Variants in SIPA1L1 observed in about 807,000 individuals in gnomAD.
The protein encoded by SIPA1L1 is signal-induced proliferation-associated 1-like protein 1.
Under a neutral mutation model 162.7 loss-of-function variants are expected in SIPA1L1, and 26 were observed. The observed-to-expected ratio is 0.16, with a 90% CI of 0.12 to 0.22. The LOEUF (loss-of-function observed/expected upper bound fraction) is 0.22. SIPA1L1 is among the 10% of genes least tolerant of loss of function. The pLI, the probability that SIPA1L1 is intolerant of heterozygous loss-of-function variation, is 1.00. For missense variants in SIPA1L1, 1,874 were observed against 2,241.0 expected (o/e 0.84, Z 3.31); for synonymous variants, 829 against 837.4 (o/e 0.99, Z 0.17).
chr14:71,506,529 C>T (rs2050683017), intron 2 of SIPA1L1, among the ~76,000 whole-genome samples: 2 of 152,012 alleles, frequency 1.3e-5, no homozygotes, highest in African/African-American at 4.8e-5. Flanking sequence ...TTAGTAGAGA[C>T]GGGGTTTTAC....
At chr14:71,382,799 T>C (rs2040012021) in intron 2 of SIPA1L1, among the ~76,000 whole-genome samples, 1 of 152,216 alleles carries the variant, frequency 6.6e-6, no homozygotes, top group Non-Finnish European at 1.5e-5. Context: ...ATCAGTTCTC[T>C]GGGGAAGACC....
intron 2 of SIPA1L1, among the ~76,000 whole-genome samples, chr14:71,322,978 G>A (rs1056044211): frequency 2.0e-5 from 3 of 152,206 alleles, no homozygotes; most frequent in Non-Finnish European, 4.4e-5. Context: ...CTATGGCAAG[G>A]TTGACTTCAA....
Position 71,681,371 on chromosome 14 carries a change from A to G in SIPA1L1, c.3105-3991A>G, listed in dbSNP as rs2045792530. ...ACTAAATTGTGATGTTCTGGATGGTATTGCATAGAGTGGTCAACCCTTTAT... is the reference window on the plus strand; with the variant it reads ...ACTAAATTGTGATGTTCTGGATGGTGTTGCATAGAGTGGTCAACCCTTTAT... On this transcript the variant is annotated intron_variant, in intron 12 of 23. Coordinates refer to ENST00000381232, the MANE Select transcript of SIPA1L1 (RefSeq NM_001386936.1). 2.0e-5 allele frequency among the ~76,000 whole-genome samples: 3 copies of G among 152,342 alleles called. 1 individual carries two copies. Among genetic ancestry groups the G allele is most frequent in the Admixed American group, 2.0e-4 (3 of 15,306 alleles).
chr14:71,572,719 A>C (rs2147048406), intron 4 of SIPA1L1, among the ~76,000 whole-genome samples: 1 of 152,360 alleles, frequency 6.6e-6, no homozygotes, highest in South Asian at 2.1e-4. Flanking sequence ...AAAGAATAAC[A>C]AGATTTTTTT....
In SIPA1L1 at chr14:71,587,719, A is replaced by G; in HGVS notation, c.-154A>G. 1 of 731,072 alleles carries G rather than the reference A, an allele frequency of 1.4e-6. No individual in the cohort carries two copies. The highest frequency in any genetic ancestry group is 2.2e-6 in the Non-Finnish European group (1 of 449,640). The allele number at this position is 731,072 out of a possible 1,614,324, so 45.3% of individuals were successfully genotyped here. A position where few individuals can be genotyped will look rare whatever the true frequency, so the allele number is the denominator to read the frequency against. The stretch of plus-strand genomic sequence containing the variant: ...GTTCCAATTTTTCAGTGCTTTACAA[A>G]TAAAGCATCATTTAACCTTTTAAAT... On this transcript the variant is annotated 5_prime_UTR_variant, in exon 5 of 24. Coordinates refer to ENST00000381232, the MANE Select transcript of SIPA1L1 (RefSeq NM_001386936.1).
chr14:71,597,751 A>G (rs564426898), intron 5 of SIPA1L1, among the ~76,000 whole-genome samples: 5 of 152,044 alleles, frequency 3.3e-5, no homozygotes, highest in Admixed American at 3.3e-4. Context: ...TCTCTTGCCT[A>G]CCTGACAGGC....
intron 2 of SIPA1L1, among the ~76,000 whole-genome samples, chr14:71,390,642 G>T (rs773980171): frequency 2.1e-4 from 32 of 152,064 alleles, no homozygotes; most frequent in Admixed American, 1.1e-3. Flanking sequence ...AAAATTAGCC[G>T]TGCATGATGG....
intron 6 of SIPA1L1, 92 bp from the exon 7 acceptor site, chr14:71,623,956 G>A: frequency 1.9e-6 from 2 of 1,046,790 alleles, no homozygotes; most frequent in East Asian, 2.5e-5. Flanking sequence ...AGCTCTGTGA[G>A]GAGCCCCACA....
intron 2 of SIPA1L1, chr14:71,497,871 A>G (rs568193744): frequency 1.3e-4 from 20 of 152,212 alleles, no homozygotes; most frequent in Non-Finnish European, 2.6e-4. Flanking sequence ...GCCCAGGTGC[A>G]TGATTTCTGA....
At chr14:71,417,777 G>A (rs185687380) in intron 2 of SIPA1L1, among the ~76,000 whole-genome samples, 3 of 152,068 alleles carry the variant, frequency 2.0e-5, no homozygotes, top group Non-Finnish European at 4.4e-5. Context: ...GTGCTAGACA[G>A]TTTTATTTTC....
chr14:71,444,249 G>C (rs1459000019), intron 2 of SIPA1L1, among the ~76,000 whole-genome samples: 2 of 152,156 alleles, frequency 1.3e-5, no homozygotes, highest in African/African-American at 4.8e-5. Context: ...GGTGCTCAGA[G>C]CGTTTACAAA....
intron 3 of SIPA1L1, among the ~76,000 whole-genome samples, chr14:71,528,481 C>T (rs1399074905): frequency 6.6e-6 from 1 of 151,764 alleles, no homozygotes; most frequent in East Asian, 2.0e-4. Flanking sequence ...ATGGTGAAAC[C>T]TTGTCTCTAC....
intron 10 of SIPA1L1, among the ~76,000 whole-genome samples, chr14:71,667,323 G>A (rs1243602030): frequency 6.6e-6 from 1 of 152,118 alleles, no homozygotes; most frequent in Non-Finnish European, 1.5e-5. Flanking sequence ...CAGGACTAAA[G>A]TGCCTTTCCT....
chr14:71,730,164 A>C lies in SIPA1L1; in HGVS notation c.4724A>C (p.His1575Pro). Residue 1575 changes from histidine (H) to proline (P), a missense_variant, in exon 20 of 24, where the codon CAC (histidine) becomes CCC (proline). His to Pro is a moderately conservative substitution (Grantham distance 77). This residue lies in a region of SIPA1L1 where 936 missense variants were observed against 1,051.9 expected (regional missense o/e 0.89). Coordinates refer to ENST00000381232, the MANE Select transcript of SIPA1L1 (RefSeq NM_001386936.1). Reference sequence around the variant, plus strand: ...AGCATTTACAATAGCCAGAGGGAGCACTTTTTCACCTCCAGGGCGTCACTT... The same window carrying C: ...AGCATTTACAATAGCCAGAGGGAGCCCTTTTTCACCTCCAGGGCGTCACTT... The part of the protein sequence containing the change: ...DESIYNSQRE[H>P]FFTSRASLLD... 3 of 1,614,142 alleles carry C rather than the reference A, an allele frequency of 1.9e-6. No homozygotes were observed. Among genetic ancestry groups the C allele is most frequent in the Non-Finnish European group, 2.5e-6 (3 of 1,180,024 alleles).
intron 17 of SIPA1L1, among the ~76,000 whole-genome samples, chr14:71,718,023 G>A (rs2083401146): frequency 6.6e-6 from 1 of 152,184 alleles, no homozygotes; most frequent in Non-Finnish European, 1.5e-5. Flanking sequence ...ATATGGAACT[G>A]GATTTTGACC....
At position 71,702,480 on chromosome 14, in the gene SIPA1L1, T is replaced by C; in HGVS notation, c.3621T>C (p.Ser1207=). ...AATCCACGCCTAGCTGGCAAAGAAG[T>C]GAGGATAGCATTGCTGACCAGATGG... The part of the protein sequence containing the change: ...SGKSTPSWQR[S]EDSIADQMEP... Residue 1207 remains serine (S), a synonymous_variant, in exon 15 of 24, where the codon AGT becomes AGC. Coordinates refer to ENST00000381232, the MANE Select transcript of SIPA1L1 (RefSeq NM_001386936.1). 1 of 1,614,184 alleles carries C rather than the reference T, an allele frequency of 6.2e-7. No homozygotes were observed. Among genetic ancestry groups the C allele is most frequent in the Non-Finnish European group, 8.5e-7 (1 of 1,180,008 alleles).
rs192896398 is a variant in SIPA1L1 at position 71,500,899 on chromosome 14, A to G, written c.-464-11844A>G. Among the ~76,000 whole-genome samples the G allele has an allele frequency of 7.9e-5, 12 of 152,288 alleles. No individual in the cohort carries two copies. The East Asian group carries it at 2.1e-3, about 27-fold the overall frequency. ...CGCATGCCTATAATCTCAGCTACTCAGGAGGCTGAGGTAGCAGAATTGCTT... is the reference window on the plus strand; with the variant it reads ...CGCATGCCTATAATCTCAGCTACTCGGGAGGCTGAGGTAGCAGAATTGCTT... On this transcript the variant is annotated intron_variant, in intron 2 of 23. Transcript: ENST00000381232.
chr14:71,400,210 T>G (rs563568068), intron 2 of SIPA1L1, among the ~76,000 whole-genome samples: 4 of 152,272 alleles, frequency 2.6e-5, no homozygotes, highest in Admixed American at 2.6e-4. Context: ...ACTTTTCTGG[T>G]GTGAAAAGTA....
intron 2 of SIPA1L1, among the ~76,000 whole-genome samples, chr14:71,463,862 G>C (rs776968267): frequency 2.6e-5 from 4 of 152,186 alleles, no homozygotes; most frequent in Non-Finnish European, 5.9e-5. Context: ...GAGCTCTACA[G>C]GAGTCAGATT....
Sources: gnomAD v4.1 joint callset for allele counts (sites outside exome capture counted in the v4.1 genomes callset) on GRCh38, gnomAD v4.1.1 for gene constraint, gnomAD v4.1.1 regional missense constraint, MANE v1.5 for transcripts, NCBI Gene and HGNC (gene_info 2026-07-23, HGNC 2026-07-21) for gene names.